Variants in CNTNAP5 observed in about 807,000 individuals in gnomAD.
CNTNAP5 encodes the protein contactin associated protein family member 5, also known as contactin-associated protein-like 5.
Under a neutral mutation model 150.2 loss-of-function variants are expected in CNTNAP5, and 72 were observed. That is an observed-to-expected ratio of 0.48 (90% CI 0.40 to 0.58). The LOEUF (loss-of-function observed/expected upper bound fraction) is 0.58. Among genes scored for constraint, CNTNAP5 ranks in the 20% least tolerant of loss-of-function variants. The probability of loss-of-function intolerance (pLI) is 0.00; values close to 1 mark genes in which losing one functional copy is unlikely to be tolerated. For synonymous variants in CNTNAP5, 672 were observed against 619.8 expected (o/e 1.08, Z -1.25); for missense variants, 1,636 against 1,626.2 (o/e 1.01, Z -0.10).
chr2:124,525,070 T>C (rs1423703097), intron 9 of CNTNAP5, among the ~76,000 whole-genome samples: 1 of 152,160 alleles, frequency 6.6e-6, no homozygotes. Context: ...ACCTTTCCAA[T>C]GACAAAAACA....
intron 3 of CNTNAP5, among the ~76,000 whole-genome samples, chr2:124,401,834 A>G (rs886154642): frequency 1.3e-5 from 2 of 152,198 alleles, no homozygotes; most frequent in African/African-American, 4.8e-5. Flanking sequence ...GTCATGGGGC[A>G]CTGCCCCTAC....
intron 22 of CNTNAP5, among the ~76,000 whole-genome samples, chr2:124,908,931 G>T (rs1417901087): frequency 6.6e-6 from 1 of 152,006 alleles, no homozygotes; most frequent in Non-Finnish European, 1.5e-5. Context: ...TTGTATAGTT[G>T]TATGATATTT....
intron 1 of CNTNAP5, among the ~76,000 whole-genome samples, chr2:124,164,762 T>C (rs1684771066): frequency 6.6e-6 from 1 of 152,176 alleles, no homozygotes; most frequent in South Asian, 2.1e-4. Context: ...AGCATAATCA[T>C]AAGACACTGG....
chr2:124,535,606 C>CAAAAAAAA (rs1168717177), intron 10 of CNTNAP5, among the ~76,000 whole-genome samples: 5 of 75,938 alleles, frequency 6.6e-5, no homozygotes, highest in African/African-American at 1.6e-4. Context: ...TACTGAAATA[C>CAAAAAAAA]AAAAAAAAAA....
chr2:124,655,940 AGAGAG>A (rs1558722350), intron 13 of CNTNAP5, among the ~76,000 whole-genome samples: 12 of 112,040 alleles, frequency 1.1e-4, no homozygotes, highest in South Asian at 6.3e-4. Flanking sequence ...AGAGAGAGAG[AGAGAG>A]AGAAAGAAAG....
intron 7 of CNTNAP5, among the ~76,000 whole-genome samples, chr2:124,475,731 G>T (rs945730080): frequency 1.3e-5 from 2 of 151,972 alleles, no homozygotes; most frequent in Non-Finnish European, 2.9e-5. Context: ...AAAGGTCTTT[G>T]TCATGTAACT....
At chr2:124,860,504 TTTCCTTCCTTCC>T (rs70999227) in intron 19 of CNTNAP5, among the ~76,000 whole-genome samples, 31 of 17,504 alleles carry the variant, frequency 1.8e-3, no homozygotes, top group African/African-American at 4.4e-3. Context: ...TCCTTCCTTC[TTTCCTTCCTTCC>T]TTCCTTCCTT....
intron 1 of CNTNAP5, among the ~76,000 whole-genome samples, chr2:124,036,549 G>A (rs1170415601): frequency 6.6e-6 from 1 of 152,008 alleles, no homozygotes; most frequent in Non-Finnish European, 1.5e-5. Context: ...AAACCACCAG[G>A]ATATTAAAAG....
chr2:124,235,859 A>G (rs17011150), intron 2 of CNTNAP5, among the ~76,000 whole-genome samples: 2,026 of 152,222 alleles, frequency 0.013, 50 homozygotes, highest in African/African-American at 0.046. Flanking sequence ...ACTGGTCTCA[A>G]TCAGGGTCAT....
intron 22 of CNTNAP5, among the ~76,000 whole-genome samples, chr2:124,906,445 T>C (rs994091050): frequency 1.2e-4 from 18 of 152,088 alleles, no homozygotes; most frequent in African/African-American, 3.6e-4. Context: ...AGAACAATAG[T>C]GGTAGGTGTT....
At position 124,620,747 on chromosome 2, in the gene CNTNAP5, A is replaced by ATG. The variant is rs1558707375; in HGVS notation, c.1876+10827_1876+10828insTG. Among the ~76,000 whole-genome samples the ATG allele has an allele frequency of 5.5e-3, 404 of 73,852 alleles. 1 individual carries two copies. The highest frequency in any genetic ancestry group is 0.033 in the African/African-American group (380 of 11,420). 48.4% of individuals were successfully genotyped at this position (73,852 alleles called of 152,430 possible). The stretch of plus-strand genomic sequence containing the variant: ...ATATGCTACACACACACACACATGC[A>ATG]CACACACACACACACACACACACAC... On this transcript the variant is annotated intron_variant, in intron 12 of 23. Transcript: ENST00000682447.
intron 13 of CNTNAP5, among the ~76,000 whole-genome samples, chr2:124,654,978 GTTA>G (rs1002106723): frequency 2.7e-5 from 4 of 149,474 alleles, no homozygotes; most frequent in Admixed American, 1.3e-4. Context: ...TATTATTATT[GTTA>G]TTATTATTAT....
intron 19 of CNTNAP5, among the ~76,000 whole-genome samples, chr2:124,818,073 T>C (rs953294661): frequency 6.6e-6 from 1 of 152,128 alleles, no homozygotes; most frequent in African/African-American, 2.4e-5. Context: ...GCTGCAGATA[T>C]AGCTAAGATG....
At chr2:124,192,773 T>C (rs1006434357) in intron 1 of CNTNAP5, among the ~76,000 whole-genome samples, 8 of 152,156 alleles carry the variant, frequency 5.3e-5, no homozygotes, top group African/African-American at 1.9e-4. Flanking sequence ...TATTGAATAT[T>C]AAACCTCATC....
At chr2:124,026,003 C>T (rs1394894279) in intron 1 of CNTNAP5, among the ~76,000 whole-genome samples, 1 of 152,182 alleles carries the variant, frequency 6.6e-6, no homozygotes, top group African/African-American at 2.4e-5. Flanking sequence ...CTGCTAGCTC[C>T]GCGTTCCATG....
At chr2:124,816,329 C>A (rs984910254) in intron 19 of CNTNAP5, among the ~76,000 whole-genome samples, 10 of 152,094 alleles carry the variant, frequency 6.6e-5, no homozygotes, top group African/African-American at 2.4e-4. Context: ...GTTCTGTTTC[C>A]AAGCTCCATT....
chr2:124,082,132 G>A (rs1036276240), intron 1 of CNTNAP5, among the ~76,000 whole-genome samples: 24 of 151,852 alleles, frequency 1.6e-4, no homozygotes, highest in African/African-American at 2.7e-4. Flanking sequence ...GGTGGATCAC[G>A]AGGTCAGGAG....
At chr2:124,369,025 G>C (rs1369519924) in intron 3 of CNTNAP5, among the ~76,000 whole-genome samples, 2 of 152,134 alleles carry the variant, frequency 1.3e-5, no homozygotes, top group Non-Finnish European at 2.9e-5. Context: ...GGATAGCTGA[G>C]AGTATCAAGA....
At chr2:124,440,355 G>A (rs760512117) in intron 5 of CNTNAP5, among the ~76,000 whole-genome samples, 49 of 151,356 alleles carry the variant, frequency 3.2e-4, no homozygotes, top group Middle Eastern at 3.4e-3. Flanking sequence ...CTTTTTTTTT[G>A]TCAAATACAA....
Sources: gnomAD v4.1 joint callset for allele counts (sites outside exome capture counted in the v4.1 genomes callset) on GRCh38, gnomAD v4.1.1 for gene constraint, MANE v1.5 for transcripts, NCBI Gene and HGNC (gene_info 2026-07-23, HGNC 2026-07-21) for gene names.